Variants in DGKH observed in about 807,000 individuals in gnomAD.
DGKH encodes the protein DAG kinase eta.
In DGKH, 90 loss-of-function variants were observed where a neutral mutation model predicts 159.3. The ratio of observed to expected loss-of-function variants is 0.57; its 90% CI spans 0.48 to 0.67. DGKH has a LOEUF of 0.67. Among genes scored for constraint, DGKH ranks in the 30% least tolerant of loss-of-function variants. The probability of loss-of-function intolerance (pLI) is 0.00; values close to 1 mark genes in which losing one functional copy is unlikely to be tolerated. For missense variants in DGKH, 1,181 were observed against 1,506.1 expected (o/e 0.78, Z 3.57); for synonymous variants, 536 against 553.8 (o/e 0.97, Z 0.45).
chr13:42,199,532 A>G lies in DGKH; in HGVS notation c.2286-34A>G, dbSNP rs1316760991. The G allele has an allele frequency of 2.9e-6, 4 of 1,398,438 alleles. No individual in the cohort carries two copies. In the African/African-American group the frequency reaches 4.4e-5, roughly 15 times the overall value. The allele number at this position is 1,398,438 out of a possible 1,614,324, so 86.6% of individuals were successfully genotyped here. A position where few individuals can be genotyped will look rare whatever the true frequency, so the allele number is the denominator to read the frequency against. ...TTGTAATTGTTATAATGAATCTCAA[A>G]TTGACTTTGATGTACTTTTCCCTGT... On this transcript the variant is annotated intron_variant, in intron 18 of 29. Coordinates refer to ENST00000337343, the MANE Select transcript of DGKH (RefSeq NM_178009.5).
At chr13:42,149,370 CTTG>C (rs1193497216) in intron 3 of DGKH, among the ~76,000 whole-genome samples, 3 of 152,156 alleles carry the variant, frequency 2.0e-5, no homozygotes, top group Non-Finnish European at 4.4e-5. Flanking sequence ...CACGAAGGGT[CTTG>C]TAAGCCATGC....
chr13:42,227,399 T>A (rs1958160694), intron 29 of DGKH, among the ~76,000 whole-genome samples: 1 of 152,230 alleles, frequency 6.6e-6, no homozygotes, highest in South Asian at 2.1e-4. Flanking sequence ...GAGAATACAA[T>A]GTATTTATGG....
intron 12 of DGKH, among the ~76,000 whole-genome samples, chr13:42,174,955 T>G (rs540011342): frequency 6.6e-6 from 1 of 152,352 alleles, no homozygotes; most frequent in East Asian, 1.9e-4. Flanking sequence ...ATTCCATCTC[T>G]ACTACAGACC....
At chr13:42,256,301 T>C (rs1184865573) in exon 31 of DGKH, 2 of 1,596,536 alleles carry the variant, frequency 1.3e-6, no homozygotes, top group Non-Finnish European at 1.7e-6. Context: ...TACAGAAAAC[T>C]GCGTGGTGGG....
intron 21 of DGKH, among the ~76,000 whole-genome samples, chr13:42,207,127 TTCCTTCCTTCCTTCCTTCCTTCC>T (rs1957519533): frequency 0.014 from 829 of 58,084 alleles, 54 homozygotes; most frequent in African/African-American, 0.025. Context: ...TTCTCTCTCC[TTCCTTCCTTCCTTCCTTCCTTCC>T]TTCCTTCCTT....
At chr13:42,198,050 A>C (rs61959255) in intron 17 of DGKH, among the ~76,000 whole-genome samples, 19,444 of 152,268 alleles carry the variant, frequency 0.13, 1,623 homozygotes, top group Admixed American at 0.22. Flanking sequence ...AATATTTTAA[A>C]TTAAGTATCA....
chr13:42,073,510 A>G (rs188360050), intron 1 of DGKH, among the ~76,000 whole-genome samples: 177 of 152,348 alleles, frequency 1.2e-3, no homozygotes, highest in African/African-American at 4.0e-3. Context: ...TCGATAAATT[A>G]TATGAGATAT....
chr13:42,223,719 C>T (rs561866837), intron 29 of DGKH, among the ~76,000 whole-genome samples: 1 of 152,106 alleles, frequency 6.6e-6, no homozygotes, highest in South Asian at 2.1e-4. Context: ...CGAGATCACA[C>T]CACTGCACTC....
chr13:42,157,248 C>G (rs1441668323), intron 5 of DGKH, among the ~76,000 whole-genome samples: 1 of 152,054 alleles, frequency 6.6e-6, no homozygotes, highest in African/African-American at 2.4e-5. Context: ...TAACTCCTAC[C>G]AGGTCTGTAA....
chr13:42,050,239 C>T (rs1593949334), intron 1 of DGKH, among the ~76,000 whole-genome samples: 1 of 152,120 alleles, frequency 6.6e-6, no homozygotes, highest in Non-Finnish European at 1.5e-5. Context: ...GGCTTTGAGG[C>T]GTGCACCTGA....
At chr13:42,200,524 C>T (rs1957322911) in intron 20 of DGKH, among the ~76,000 whole-genome samples, 1 of 152,110 alleles carries the variant, frequency 6.6e-6, no homozygotes. Context: ...ACCTTTGATC[C>T]AGGACTCACT....
chr13:42,101,807 TAAG>T (rs558810434), intron 1 of DGKH, among the ~76,000 whole-genome samples: 2 of 150,352 alleles, frequency 1.3e-5, no homozygotes, highest in South Asian at 2.1e-4. Flanking sequence ...GAGAGAGAAA[TAAG>T]AACATTTTTA....
intron 1 of DGKH, chr13:42,066,169 T>A (rs1277760423): frequency 6.6e-6 from 1 of 152,344 alleles, no homozygotes; most frequent in Non-Finnish European, 1.5e-5. Flanking sequence ...GTGCTGGGAT[T>A]ACAGGTGTGA....
rs142786922 is a variant in DGKH, at chr13:42,249,481, T to C, written n.4055-2928T>C. On this transcript the variant is annotated intron_variant and non_coding_transcript_variant, in intron 29 of 30. Transcript: ENST00000498255. ...TACTGATTGCAACCTATTAAACTGA[T>C]TTTGTAACCCACTAATGAGAAGGTC... 8.6e-3 allele frequency among the ~76,000 whole-genome samples: 1,315 copies of C among 152,260 alleles called. 18 individuals are homozygous for C. Among genetic ancestry groups the C allele is most frequent in the African/African-American group, 0.03 (1,236 of 41,536 alleles).
At position 42,168,811 on chromosome 13, in the gene DGKH, T is replaced by C; in HGVS notation, c.1360T>C (p.Leu454=). Residue 454 remains leucine (L), a synonymous_variant, in exon 11 of 30, where the codon TTG becomes CTG. Coordinates refer to ENST00000337343, the MANE Select transcript of DGKH (RefSeq NM_178009.5). ...EKLERASTKM[L]DRWSIMTYEL... is the part of the protein sequence containing the mutation. ...ACTGGAACGAGCCAGTACCAAAATGTTGGACAGGTAAAAGTAAATTCTTTT... is the reference window on the plus strand; with the variant it reads ...ACTGGAACGAGCCAGTACCAAAATGCTGGACAGGTAAAAGTAAATTCTTTT... 10 of 1,612,484 alleles carry C rather than the reference T, an allele frequency of 6.2e-6. No individual in the cohort carries two copies. The highest frequency in any genetic ancestry group is 8.5e-6 in the Non-Finnish European group (10 of 1,178,980).
chr13:42,209,389 G>C lies in DGKH; in HGVS notation c.2774G>C (p.Gly925Ala). 1 of 1,613,736 alleles carries C rather than the reference G, an allele frequency of 6.2e-7. No individual in the cohort carries two copies. The stretch of plus-strand genomic sequence containing the variant: ...GAAGGAGTCCCAGTGCAAGTGGATG[G>C]TGAAGCGTGGGTTCAGCCTCCAGGG... ...GDEGVPVQVD[G>A]EAWVQPPGII... Residue 925 changes from glycine (G) to alanine (A), a missense_variant, in exon 23 of 30, where the codon GGT (glycine) becomes GCT (alanine). Physicochemically the swap from Gly to Ala is moderately conservative, Grantham distance 60. Coordinates refer to ENST00000337343, the MANE Select transcript of DGKH (RefSeq NM_178009.5).
At chr13:42,118,194 G>C (rs1448957352) in intron 1 of DGKH, among the ~76,000 whole-genome samples, 1 of 152,070 alleles carries the variant, frequency 6.6e-6, no homozygotes, top group Non-Finnish European at 1.5e-5. Context: ...TCCAGCCTGG[G>C]CAAGAGAGAG....
At chr13:42,194,815 A>G (rs1957163208) in intron 16 of DGKH, 70 bp from the exon 17 acceptor site, 1 of 1,501,956 alleles carries the variant, frequency 6.7e-7, no homozygotes, top group African/African-American at 1.4e-5. Flanking sequence ...TATGTTTTAA[A>G]TTTATAGGAA....
intron 1 of DGKH, among the ~76,000 whole-genome samples, chr13:42,104,431 A>T (rs1594032553): frequency 1.3e-5 from 2 of 152,362 alleles, no homozygotes; most frequent in Admixed American, 1.3e-4. Context: ...CATTGGCAAG[A>T]TCTTAGTGAC....
Sources: gnomAD v4.1 joint callset for allele counts (sites outside exome capture counted in the v4.1 genomes callset) on GRCh38, gnomAD v4.1.1 for gene constraint, MANE v1.5 for transcripts, NCBI Gene and HGNC (gene_info 2026-07-23, HGNC 2026-07-21) for gene names.